The following PALLD variants were observed in gnomAD, a reference collection of about 807,000 sequenced individuals.
PALLD encodes palladin, cytoskeletal associated protein.
PALLD carries 61 observed loss-of-function variants against 123.5 expected under a neutral mutation model. The observed-to-expected ratio is 0.49, with a 90% CI of 0.40 to 0.61. The LOEUF is 0.61. Ranked by LOEUF, PALLD falls within the 20% of genes least tolerant of loss-of-function variation. The pLI is 0.00. For missense variants in PALLD, 1,273 were observed against 1,377.0 expected (o/e 0.92, Z 1.20); for synonymous variants, 465 against 496.4 (o/e 0.94, Z 0.84).
intron 2 of PALLD, among the ~76,000 whole-genome samples, chr4:168,636,857 G>A (rs1647927211): frequency 6.6e-6 from 1 of 152,156 alleles, no homozygotes; most frequent in Non-Finnish European, 1.5e-5. Context: ...GTGCTCAGCA[G>A]GGTGATCCAT....
intron 10 of PALLD, among the ~76,000 whole-genome samples, chr4:168,802,234 C>G (rs146746064): frequency 1.8e-3 from 272 of 152,262 alleles, no homozygotes; most frequent in African/African-American, 6.2e-3. Context: ...GCACCACAAA[C>G]CAAGAGATAT....
At chr4:168,862,991 C>G (rs1749718862) in intron 10 of PALLD, among the ~76,000 whole-genome samples, 1 of 152,134 alleles carries the variant, frequency 6.6e-6, no homozygotes, top group Non-Finnish European at 1.5e-5. Context: ...GTGAGGCCAC[C>G]CACACCTTCT....
intron 10 of PALLD, among the ~76,000 whole-genome samples, chr4:168,853,646 A>G (rs985593147): frequency 3.9e-5 from 6 of 152,054 alleles, no homozygotes. Context: ...CATTGAAGGG[A>G]AGGGCTGAGA....
intron 2 of PALLD, among the ~76,000 whole-genome samples, chr4:168,590,847 A>G (rs1580459226): frequency 6.8e-6 from 1 of 146,366 alleles, no homozygotes; most frequent in East Asian, 2.1e-4. Context: ...GTCTTTACTC[A>G]GAAGGGGACC....
intron 2 of PALLD, among the ~76,000 whole-genome samples, chr4:168,642,297 C>T (rs1243670110): frequency 7.2e-5 from 11 of 152,190 alleles, no homozygotes; most frequent in Non-Finnish European, 1.0e-4. Flanking sequence ...TGACATGGGA[C>T]GCAACCGAAC....
At chr4:168,917,049 G>GGTT (rs1491537610) in intron 17 of PALLD, among the ~76,000 whole-genome samples, 32 of 124,856 alleles carry the variant, frequency 2.6e-4, no homozygotes, top group African/African-American at 4.8e-4. Flanking sequence ...TTTTTTTGGG[G>GGTT]TTTTTTTTTT....
intron 10 of PALLD, among the ~76,000 whole-genome samples, chr4:168,787,204 A>C (rs1238924601): frequency 2.0e-5 from 3 of 152,260 alleles, no homozygotes; most frequent in African/African-American, 7.2e-5. Context: ...TATTTTTTCC[A>C]CAAGTATTTA....
intron 13 of PALLD, 49 bp downstream of exon 13, chr4:168,896,648 T>C (rs1465660970): frequency 5.8e-6 from 6 of 1,029,564 alleles, no homozygotes; most frequent in Middle Eastern, 2.0e-4. Flanking sequence ...CTGTGTCTGT[T>C]TTCTTCTGTT....
intron 2 of PALLD, among the ~76,000 whole-genome samples, chr4:168,520,093 G>A (rs1431846370): frequency 1.3e-5 from 2 of 151,822 alleles, no homozygotes; most frequent in Non-Finnish European, 2.9e-5. Flanking sequence ...TTGGGAGGCC[G>A]AGGCGGGCGG....
chr4:168,772,820 G>T (rs1414265055), intron 10 of PALLD, among the ~76,000 whole-genome samples: 1 of 151,980 alleles, frequency 6.6e-6, no homozygotes, highest in Non-Finnish European at 1.5e-5. Context: ...TAAGTCCCAT[G>T]CCAAAAAAAG....
chr4:168,839,658 A>T (rs2150917108), intron 10 of PALLD, among the ~76,000 whole-genome samples: 1 of 152,220 alleles, frequency 6.6e-6, no homozygotes, highest in South Asian at 2.1e-4. Flanking sequence ...GACCCTGGGT[A>T]GATGGAGCCG....
chr4:168,533,847 C>T (rs1580175390), intron 2 of PALLD, among the ~76,000 whole-genome samples: 1 of 152,144 alleles, frequency 6.6e-6, no homozygotes. Context: ...ATCAATGTCA[C>T]AGCTAAAGGA....
chr4:168,706,485 A>G (rs1784244034), intron 8 of PALLD, among the ~76,000 whole-genome samples: 1 of 152,214 alleles, frequency 6.6e-6, no homozygotes. Context: ...GAGCTACACT[A>G]CAATGCTAAA....
chr4:168,601,910 C>T (rs1373171721), intron 2 of PALLD, among the ~76,000 whole-genome samples: 2 of 152,190 alleles, frequency 1.3e-5, no homozygotes, highest in Non-Finnish European at 2.9e-5. Context: ...TATCTACCTT[C>T]CCTCTATTTG....
At chr4:168,851,970 G>C (rs893858236) in intron 10 of PALLD, among the ~76,000 whole-genome samples, 19 of 152,280 alleles carry the variant, frequency 1.2e-4, no homozygotes, top group African/African-American at 3.6e-4. Flanking sequence ...GCTTCTGCCA[G>C]CTCTCTCACC....
At chr4:168,589,398 A>G (rs1324382908) in intron 2 of PALLD, among the ~76,000 whole-genome samples, 1 of 152,150 alleles carries the variant, frequency 6.6e-6, no homozygotes, top group Non-Finnish European at 1.5e-5. Context: ...AATCCCTCTG[A>G]GTCAGAATTC....
chr4:168,843,468 G>T (rs539090943), intron 10 of PALLD, among the ~76,000 whole-genome samples: 2 of 152,262 alleles, frequency 1.3e-5, no homozygotes, highest in East Asian at 3.9e-4. Context: ...TAGCACATAC[G>T]TAGTATAAGA....
chr4:168,599,931 C>T lies in PALLD; in HGVS notation c.909-68259C>T, dbSNP rs559853869. ...ACACACACATATATATACACATGCA[C>T]TGTTTTAGACTTTTTCAAATATGTG... On this transcript the variant is annotated intron_variant, in intron 2 of 21. Transcript: ENST00000505667. Among the ~76,000 whole-genome samples the T allele has an allele frequency of 2.6e-5, 4 of 151,830 alleles. No homozygotes were observed. In the East Asian group the frequency reaches 5.8e-4, roughly 22 times the overall value.
At chr4:168,912,456 G>GA (rs1425903245) in intron 15 of PALLD, among the ~76,000 whole-genome samples, 1 of 152,086 alleles carries the variant, frequency 6.6e-6, no homozygotes, top group East Asian at 1.9e-4. Flanking sequence ...TGGTAACAGT[G>GA]AAAAAAACAA....
Sources: allele counts gnomAD v4.1 joint callset (sites outside exome capture counted in the v4.1 genomes callset), GRCh38; gene constraint gnomAD v4.1.1; transcripts MANE v1.5; gene names NCBI Gene and HGNC (gene_info 2026-07-23, HGNC 2026-07-21).